Variants in SDK1 observed in about 807,000 individuals in gnomAD.
SDK1 encodes protein sidekick-1.
In SDK1, 157 loss-of-function variants were observed where a neutral mutation model predicts 245.5. The observed-to-expected ratio is 0.64, with a 90% confidence interval of 0.56 to 0.73. The LOEUF (loss-of-function observed/expected upper bound fraction) is 0.73, where lower values mean the gene tolerates loss of function less well. Ranked by LOEUF, SDK1 falls within the 30% of genes least tolerant of loss-of-function variation. The pLI is 0.00. For missense variants in SDK1, 3,583 were observed against 3,002.3 expected (o/e 1.19, Z -4.52); for synonymous variants, 1,647 against 1,278.5 (o/e 1.29, Z -6.15).
chr7:3,580,733 C>G (rs541506506), intron 1 of SDK1, among the ~76,000 whole-genome samples: 3 of 152,142 alleles, frequency 2.0e-5, no homozygotes, highest in East Asian at 3.9e-4. Flanking sequence ...TTTTGGGAGA[C>G]TGAGGCAGGC....
At chr7:3,575,533 G>A (rs1780258443) in intron 1 of SDK1, among the ~76,000 whole-genome samples, 2 of 151,908 alleles carry the variant, frequency 1.3e-5, no homozygotes. Flanking sequence ...TTGGGGTGAG[G>A]GGGGACACCC....
chr7:3,554,155 A>G (rs974847448), intron 1 of SDK1, among the ~76,000 whole-genome samples: 1 of 152,206 alleles, frequency 6.6e-6, no homozygotes, highest in African/African-American at 2.4e-5. Context: ...CACAGAATAC[A>G]TAGTCTTCCA....
intron 1 of SDK1, among the ~76,000 whole-genome samples, chr7:3,543,213 TA>T (rs1779106747): frequency 1.3e-5 from 2 of 152,246 alleles, no homozygotes; most frequent in African/African-American, 2.4e-5. Flanking sequence ...ATTGAGATGT[TA>T]CTGTAGAGAA....
At chr7:3,726,258 T>C (rs993351226) in intron 4 of SDK1, among the ~76,000 whole-genome samples, 4 of 152,208 alleles carry the variant, frequency 2.6e-5, no homozygotes, top group African/African-American at 9.6e-5. Context: ...ACACACTGTT[T>C]TTAAAGACCA....
At chr7:3,675,145 C>T (rs941779688) in intron 4 of SDK1, among the ~76,000 whole-genome samples, 1 of 152,210 alleles carries the variant, frequency 6.6e-6, no homozygotes, top group East Asian at 1.9e-4. Context: ...CCCAAACCTG[C>T]TCCACCCATA....
chr7:4,165,488 C>G (rs1781447294), intron 32 of SDK1, among the ~76,000 whole-genome samples: 1 of 152,110 alleles, frequency 6.6e-6, no homozygotes, highest in Non-Finnish European at 1.5e-5. Context: ...TTCATGGGAT[C>G]CAGTTCTGTT....
At chr7:3,678,678 A>G (rs1345077373) in intron 4 of SDK1, among the ~76,000 whole-genome samples, 2 of 152,194 alleles carry the variant, frequency 1.3e-5, no homozygotes, top group South Asian at 2.1e-4. Flanking sequence ...TCTGTTTGGG[A>G]TGAAGAAAAA....
At chr7:3,590,365 G>A (rs570334243) in intron 1 of SDK1, among the ~76,000 whole-genome samples, 1 of 126,714 alleles carries the variant, frequency 7.9e-6, no homozygotes, top group South Asian at 2.6e-4. Flanking sequence ...AAATACAATA[G>A]CAAAGACAAA....
At chr7:3,701,886 T>C (rs1241060621) in intron 4 of SDK1, among the ~76,000 whole-genome samples, 3 of 149,040 alleles carry the variant, frequency 2.0e-5, no homozygotes, top group Non-Finnish European at 4.4e-5. Flanking sequence ...GAATAGTCTT[T>C]TCAACAAATG....
chr7:3,816,810 C>A (rs888705074), intron 4 of SDK1, among the ~76,000 whole-genome samples: 1 of 152,066 alleles, frequency 6.6e-6, no homozygotes, highest in Admixed American at 6.5e-5. Context: ...GCCTTGGAAT[C>A]AACCCTTTTA....
chr7:3,668,231 G>C (rs915040171), intron 4 of SDK1, among the ~76,000 whole-genome samples: 3 of 152,142 alleles, frequency 2.0e-5, no homozygotes, highest in Admixed American at 1.3e-4. Flanking sequence ...AGCAGGAGTG[G>C]GAAGGCTTAT....
chr7:3,419,521 C>T (rs151036327), intron 1 of SDK1, among the ~76,000 whole-genome samples: 202 of 152,224 alleles, frequency 1.3e-3, no homozygotes, highest in East Asian at 4.8e-3. Flanking sequence ...GTTGCTGTTT[C>T]GAAAGTATTG....
chr7:4,079,689 G>A lies in SDK1; in HGVS notation c.3324+105G>A, dbSNP rs928696998. On this transcript the variant is annotated intron_variant, in intron 22 of 44. Coordinates refer to ENST00000404826, the MANE Select transcript of SDK1 (RefSeq NM_152744.4). The stretch of plus-strand genomic sequence containing the variant: ...TGATGGCTTGGGGTGTCGGGGAGAT[G>A]GGTGTGCTTGGAGAGGGAGAACCAG... 2.7e-6 allele frequency: 4 copies of A among 1,491,752 alleles called. No individual in the cohort carries two copies. In the Admixed American group the frequency reaches 5.4e-5, roughly 20 times the overall value. The allele number at this position is 1,491,752 out of a possible 1,614,324, so 92.4% of individuals were successfully genotyped here. A position where few individuals can be genotyped will look rare whatever the true frequency, so the allele number is the denominator to read the frequency against.
chr7:3,757,942 C>T (rs971362312), intron 4 of SDK1, among the ~76,000 whole-genome samples: 1 of 152,116 alleles, frequency 6.6e-6, no homozygotes, highest in Non-Finnish European at 1.5e-5. Flanking sequence ...CTTGTTAGAA[C>T]AAAAGACTCC....
At chr7:4,022,825 G>A (rs1440515224) in intron 17 of SDK1, among the ~76,000 whole-genome samples, 13 of 148,764 alleles carry the variant, frequency 8.7e-5, no homozygotes, top group African/African-American at 3.2e-4. Flanking sequence ...CCAGGCTGGA[G>A]TGCAGTGGCG....
At chr7:4,246,927 C>A (rs1786905718) in intron 44 of SDK1, among the ~76,000 whole-genome samples, 1 of 152,170 alleles carries the variant, frequency 6.6e-6, no homozygotes, top group Admixed American at 6.5e-5. Context: ...CACGAGGGGG[C>A]TCTAAGCAGG....
intron 32 of SDK1, among the ~76,000 whole-genome samples, chr7:4,170,446 C>CA (rs908907568): frequency 9.3e-5 from 14 of 150,178 alleles, no homozygotes; most frequent in African/African-American, 1.5e-4. Context: ...GATCCTGTCT[C>CA]AAAAAAAAAG....
intron 28 of SDK1, among the ~76,000 whole-genome samples, chr7:4,140,846 A>G (rs1779536093): frequency 6.6e-6 from 1 of 152,208 alleles, no homozygotes; most frequent in African/African-American, 2.4e-5. Flanking sequence ...TCATACCTGC[A>G]ATCCCAGCAC....
At chr7:3,593,469 G>A (rs1397858661) in intron 1 of SDK1, among the ~76,000 whole-genome samples, 1 of 152,146 alleles carries the variant, frequency 6.6e-6, no homozygotes, top group Non-Finnish European at 1.5e-5. Context: ...GCTCATCTTT[G>A]TATACTTCTA....
Sources: allele counts gnomAD v4.1 joint callset (sites outside exome capture counted in the v4.1 genomes callset), GRCh38; gene constraint gnomAD v4.1.1; transcripts MANE v1.5; gene names NCBI Gene and HGNC (gene_info 2026-07-23, HGNC 2026-07-21).